Variants in ALK observed in about 807,000 individuals in gnomAD.
The protein encoded by ALK is ALK receptor tyrosine kinase.
Under a neutral mutation model 163.1 loss-of-function variants are expected in ALK, and 74 were observed. That is an observed-to-expected ratio of 0.45 (90% CI 0.38 to 0.55). ALK has a LOEUF of 0.55. Among genes scored for constraint, ALK ranks in the 20% least tolerant of loss-of-function variants. The pLI is 0.00. For missense variants in ALK, 2,063 were observed against 2,105.3 expected, an observed-to-expected ratio of 0.98 and a Z score of 0.39; for synonymous variants, 960 against 843.2, an observed-to-expected ratio of 1.14 and a Z score of -2.40.
rs1038779264 is a variant in ALK at position 29,246,066 on chromosome 2, C to A, written c.2204+5039G>T. Among the ~76,000 whole-genome samples, 2 of 152,168 alleles carry A rather than the reference C, an allele frequency of 1.3e-5. No individual in the cohort carries two copies. Among genetic ancestry groups the A allele is most frequent in the African/African-American group, 4.8e-5 (2 of 41,428 alleles). On this transcript the variant is annotated intron_variant, in intron 12 of 28. Transcript: ENST00000389048. This position sits in a 1 kb window ranked among gnomAD's most constrained non-coding sequence, Gnocchi z 4.3. ...TCTGAAGAGCAGGTGAGCTGTGGGA[C>A]GACTGCCTTCGGGAGCTATGGGCCA...
intron 9 of ALK, among the ~76,000 whole-genome samples, chr2:29,276,151 G>A (rs944604285): frequency 6.6e-6 from 1 of 152,154 alleles, no homozygotes; most frequent in African/African-American, 2.4e-5. Flanking sequence ...CCCAGCAGGG[G>A]TCTCAAGCAT....
At chr2:29,395,109 C>T (rs1669271744) in intron 4 of ALK, among the ~76,000 whole-genome samples, 1 of 152,162 alleles carries the variant, frequency 6.6e-6, no homozygotes, top group Non-Finnish European at 1.5e-5. Context: ...TCCAGCAGCC[C>T]ATCCTGTTCC....
Position 29,829,696 on chromosome 2 carries a change from C to G in ALK, c.667+90297G>C, listed in dbSNP as rs57752397. ...AGATTAATTCTTGGTGAACAGTGAA[C>G]CTATCCTAATACTATTGAGTTCTGC... is the stretch of plus-strand genomic sequence containing the variant. On this transcript the variant is annotated intron_variant, in intron 1 of 28. Transcript: ENST00000389048. Among the ~76,000 whole-genome samples, 648 of 152,248 alleles carry G rather than the reference C, an allele frequency of 4.3e-3. 34 individuals are homozygous for G. The East Asian group carries it at 0.11, about 25-fold the overall frequency.
At chr2:29,609,051 G>C (rs1295177183) in intron 3 of ALK, among the ~76,000 whole-genome samples, 1 of 152,270 alleles carries the variant, frequency 6.6e-6, no homozygotes, top group East Asian at 1.9e-4. Flanking sequence ...AGCCTCTCAA[G>C]TAGCTGAGAT....
intron 1 of ALK, among the ~76,000 whole-genome samples, chr2:29,830,433 G>A (rs187637205): frequency 1.3e-5 from 2 of 152,224 alleles, no homozygotes; most frequent in East Asian, 3.9e-4. Context: ...TGAGAAAGTA[G>A]ATATGGAGCT....
At chr2:29,265,791 C>T (rs1301325389) in intron 11 of ALK, among the ~76,000 whole-genome samples, 2 of 152,052 alleles carry the variant, frequency 1.3e-5, no homozygotes, top group African/African-American at 2.4e-5. Context: ...AGTTCAAGAC[C>T]AGCCTGGCCA....
chr2:29,510,545 A>G (rs1001952896), intron 4 of ALK, among the ~76,000 whole-genome samples: 2 of 152,224 alleles, frequency 1.3e-5, no homozygotes, highest in Non-Finnish European at 2.9e-5. Flanking sequence ...TTTACTTCAT[A>G]GGCTGCTATA....
rs1436164695 is a variant in ALK, at chr2:29,791,394, C to T, written c.668-73697G>A. ...CTACACAAGAACAGAAAACCAAACA[C>T]TGCATGTTCTCACTCATAAGTGGGA... On this transcript the variant is annotated intron_variant, in intron 1 of 28. Coordinates refer to ENST00000389048, the MANE Select transcript of ALK (RefSeq NM_004304.5). 2.6e-5 allele frequency among the ~76,000 whole-genome samples: 4 copies of T among 152,260 alleles called. No individual in the cohort carries two copies. The East Asian group carries it at 7.7e-4, about 29-fold the overall frequency.
rs1025152598 is a variant in ALK, at chr2:29,263,867, A to G, written c.2041+11232T>C. ...GAATTAACATCAGCAGTCATCTATA[A>G]AATAGTTTTTGTTGTAGGACTGGAC... is the stretch of plus-strand genomic sequence containing the variant. On this transcript the variant is annotated intron_variant, in intron 11 of 28. Transcript: ENST00000389048. Among the ~76,000 whole-genome samples the G allele has an allele frequency of 4.6e-5, 7 of 152,282 alleles. No homozygotes were observed. In the East Asian group the frequency reaches 1.4e-3, roughly 29 times the overall value.
chr2:29,729,909 A>G (rs1212622518), intron 1 of ALK, among the ~76,000 whole-genome samples: 3 of 152,198 alleles, frequency 2.0e-5, no homozygotes, highest in Non-Finnish European at 2.9e-5. Flanking sequence ...TTTATTGCAT[A>G]TTGGTTTGTG....
Position 29,229,032 on chromosome 2 carries a change from C to A in ALK, c.2667G>T (p.Leu889Phe), listed in dbSNP as rs1664104202. The A allele has an allele frequency of 6.2e-7, 1 of 1,612,906 alleles. No individual in the cohort carries two copies. The highest frequency in any genetic ancestry group is 8.5e-7 in the Non-Finnish European group (1 of 1,179,780). ...GGGGWNDNTS[L>F]LWAGKSLQEG... is the part of the protein sequence containing the mutation. ...CCTGCAAAGATTTTCCGGCCCAGAGCAAGGAAGTGTTATCATTCCAGCCAC... is the reference window on the plus strand; with the variant it reads ...CCTGCAAAGATTTTCCGGCCCAGAGAAAGGAAGTGTTATCATTCCAGCCAC... Residue 889 changes from leucine to phenylalanine, a missense_variant, in exon 16 of 29, where the codon TTG becomes TTT. Leu to Phe is a conservative substitution (Grantham distance 22). Coordinates refer to ENST00000389048, the MANE Select transcript of ALK (RefSeq NM_004304.5).
At chr2:29,912,092 A>T (rs147879847) in intron 1 of ALK, among the ~76,000 whole-genome samples, 1 of 152,196 alleles carries the variant, frequency 6.6e-6, no homozygotes, top group African/African-American at 2.4e-5. Context: ...AAAAATTTCA[A>T]AAAAAGAAAT....
chr2:29,235,856 C>CGTT (rs1664359798), intron 13 of ALK, among the ~76,000 whole-genome samples: 1 of 38,252 alleles, frequency 2.6e-5, no homozygotes, highest in Non-Finnish European at 5.0e-5. Context: ...CCAGGCTCGA[C>CGTT]TTTTTTTTTT....
intron 2 of ALK, 83 bp downstream of exon 2, chr2:29,717,495 A>G: frequency 9.7e-6 from 15 of 1,549,172 alleles, no homozygotes; most frequent in African/African-American, 2.7e-5. Context: ...CTGGAGCACT[A>G]TGAATCCCAA....
At chr2:29,746,034 A>G (rs528031483) in intron 1 of ALK, among the ~76,000 whole-genome samples, 2 of 152,266 alleles carry the variant, frequency 1.3e-5, no homozygotes, top group South Asian at 2.1e-4. Context: ...TCCCCTTATG[A>G]TTATTATCTC....
intron 1 of ALK, among the ~76,000 whole-genome samples, chr2:29,727,689 C>T (rs1035609009): frequency 2.0e-5 from 3 of 152,190 alleles, no homozygotes; most frequent in African/African-American, 7.2e-5. Context: ...TTAAATCACT[C>T]TTCACCTGTA....
chr2:29,804,812 C>T (rs1479711182), intron 1 of ALK, among the ~76,000 whole-genome samples: 2 of 152,124 alleles, frequency 1.3e-5, no homozygotes, highest in Admixed American at 1.3e-4. Context: ...TCTCGGAAGG[C>T]CTGTAAGATT....
At chr2:29,761,173 G>A (rs1680690626) in intron 1 of ALK, among the ~76,000 whole-genome samples, 1 of 152,188 alleles carries the variant, frequency 6.6e-6, no homozygotes, top group South Asian at 2.1e-4. Flanking sequence ...TGAACTTAGG[G>A]AGTAGACAGG....
chr2:29,276,132 A>G (rs550616253), intron 9 of ALK, among the ~76,000 whole-genome samples: 1 of 152,184 alleles, frequency 6.6e-6, no homozygotes, highest in East Asian at 1.9e-4. Context: ...GGGTTTATCC[A>G]TTGATTAGCC....
Sources: gnomAD v4.1 joint callset for allele counts (sites outside exome capture counted in the v4.1 genomes callset) on GRCh38, gnomAD v4.1.1 for gene constraint, Gnocchi (gnomAD v3.1) non-coding constraint, MANE v1.5 for transcripts, NCBI Gene and HGNC (gene_info 2026-07-23, HGNC 2026-07-21) for gene names.